Variants in SORCS1 observed in about 807,000 individuals in gnomAD.
SORCS1 encodes the protein sortilin related VPS10 domain containing receptor 1.
In SORCS1, 60 loss-of-function variants were observed where a neutral mutation model predicts 146.1. The observed-to-expected ratio is 0.41, with a 90% CI of 0.33 to 0.51. SORCS1 has a LOEUF of 0.51. SORCS1 is among the 20% of genes least tolerant of loss of function. The pLI, the probability that SORCS1 is intolerant of heterozygous loss-of-function variation, is 0.21. For synonymous variants in SORCS1, 637 were observed against 584.0 expected (o/e 1.09, Z -1.31); for missense variants, 1,352 against 1,487.6 (o/e 0.91, Z 1.50).
intron 3 of SORCS1, among the ~76,000 whole-genome samples, chr10:106,801,042 T>C (rs1293833142): frequency 6.6e-6 from 1 of 152,236 alleles, no homozygotes; most frequent in Non-Finnish European, 1.5e-5. Context: ...CCTTTCATCG[T>C]CTTTAGTTCA....
chr10:107,170,009 ATACT>A, the SORCS1 span, among the ~76,000 whole-genome samples: 1 of 152,206 alleles, frequency 6.6e-6, no homozygotes, highest in African/African-American at 2.4e-5. Flanking sequence ...TTTAATATTC[ATACT>A]TAAAGTGAAA....
intron 18 of SORCS1, among the ~76,000 whole-genome samples, chr10:106,649,265 C>T (rs561838826): frequency 3.3e-5 from 5 of 152,216 alleles, no homozygotes; most frequent in African/African-American, 9.6e-5. Flanking sequence ...GTAGCAAACG[C>T]CTACTGGGGC....
chr10:107,139,266 C>G (rs921137809), intron 1 of SORCS1, among the ~76,000 whole-genome samples: 1 of 152,046 alleles, frequency 6.6e-6, no homozygotes, highest in Non-Finnish European at 1.5e-5. Flanking sequence ...AAAACTGGAA[C>G]CAAGCTAGTA....
intron 1 of SORCS1, among the ~76,000 whole-genome samples, chr10:107,046,381 T>G (rs1959447355): frequency 6.6e-6 from 1 of 152,178 alleles, no homozygotes; most frequent in Admixed American, 6.5e-5. Context: ...CACATTAATA[T>G]GTTTATTGAT....
intron 5 of SORCS1, among the ~76,000 whole-genome samples, chr10:106,742,622 C>A (rs1857441311): frequency 6.6e-6 from 1 of 152,170 alleles, no homozygotes; most frequent in Admixed American, 6.5e-5. Context: ...TCAAGTGATC[C>A]ACCTGCCTCG....
chr10:106,825,145 T>C (rs936219604), intron 3 of SORCS1, among the ~76,000 whole-genome samples: 2 of 152,110 alleles, frequency 1.3e-5, no homozygotes, highest in African/African-American at 4.8e-5. Context: ...GGAGAACAGC[T>C]TGGGTTAGTT....
At chr10:106,732,429 A>T (rs1278292012) in intron 5 of SORCS1, among the ~76,000 whole-genome samples, 1 of 152,178 alleles carries the variant, frequency 6.6e-6, no homozygotes, top group African/African-American at 2.4e-5. Context: ...TTCTGACAAG[A>T]CTGCAAGTCA....
intron 1 of SORCS1, among the ~76,000 whole-genome samples, chr10:107,090,376 A>C (rs1486839371): frequency 6.6e-6 from 1 of 152,160 alleles, no homozygotes; most frequent in Non-Finnish European, 1.5e-5. Flanking sequence ...TTATGTGACT[A>C]ATCATTTTGA....
chr10:107,065,689 G>A (rs1961782041), intron 1 of SORCS1, among the ~76,000 whole-genome samples: 1 of 151,618 alleles, frequency 6.6e-6, no homozygotes, highest in African/African-American at 2.4e-5. Context: ...TTTTTGTTTT[G>A]TATTTTTTGG....
chr10:107,084,411 G>T (rs1963605978), intron 1 of SORCS1, among the ~76,000 whole-genome samples: 1 of 151,862 alleles, frequency 6.6e-6, no homozygotes, highest in South Asian at 2.1e-4. Context: ...CCAGGAAAAG[G>T]TTTTAAATGG....
the SORCS1 span, among the ~76,000 whole-genome samples, chr10:107,175,644 C>T: frequency 1.3e-5 from 2 of 152,176 alleles, no homozygotes; most frequent in Admixed American, 1.3e-4. Context: ...CCATGTGACC[C>T]AGGCTGGTCT....
At chr10:106,842,113 C>A (rs944418957) in intron 2 of SORCS1, among the ~76,000 whole-genome samples, 1 of 152,164 alleles carries the variant, frequency 6.6e-6, no homozygotes, top group East Asian at 1.9e-4. Flanking sequence ...TAGATTTTGC[C>A]CATTTTAATA....
intron 13 of SORCS1, among the ~76,000 whole-genome samples, chr10:106,675,574 A>T (rs1851964698): frequency 6.6e-6 from 1 of 152,202 alleles, no homozygotes. Flanking sequence ...TCTCTAAGTG[A>T]CCAAGTCCTC....
At chr10:106,781,716 T>C (rs1860907867) in intron 3 of SORCS1, among the ~76,000 whole-genome samples, 1 of 152,176 alleles carries the variant, frequency 6.6e-6, no homozygotes, top group African/African-American at 2.4e-5. Flanking sequence ...AAGCTACCTA[T>C]TCTCAATGAG....
intron 1 of SORCS1, among the ~76,000 whole-genome samples, chr10:106,963,680 C>G (rs961037722): frequency 3.0e-4 from 45 of 151,020 alleles, no homozygotes; most frequent in African/African-American, 7.6e-4. Flanking sequence ...TGGGGGGGGG[C>G]CATACATCCA....
chr10:106,722,413 G>C (rs939992599), intron 6 of SORCS1, among the ~76,000 whole-genome samples: 1 of 152,114 alleles, frequency 6.6e-6, no homozygotes, highest in Non-Finnish European at 1.5e-5. Flanking sequence ...TAGAAAATGA[G>C]ATTTCCAGTT....
At chr10:106,976,626 C>T (rs891565566) in intron 1 of SORCS1, among the ~76,000 whole-genome samples, 1 of 152,008 alleles carries the variant, frequency 6.6e-6, no homozygotes, top group African/African-American at 2.4e-5. Flanking sequence ...CCACCGCGCC[C>T]GGCTGCCATC....
At chr10:106,991,631 A>C (rs1956775708) in intron 1 of SORCS1, among the ~76,000 whole-genome samples, 1 of 152,198 alleles carries the variant, frequency 6.6e-6, no homozygotes, top group South Asian at 2.1e-4. Context: ...TTTGGCTTTG[A>C]ATATCACTAA....
At chr10:106,921,403 G>A (rs1952705062) in intron 2 of SORCS1, among the ~76,000 whole-genome samples, 1 of 152,046 alleles carries the variant, frequency 6.6e-6, no homozygotes, top group South Asian at 2.1e-4. Context: ...CCTGACATAG[G>A]GAAAATGGAC....
Sources: gnomAD v4.1 joint callset for allele counts (sites outside exome capture counted in the v4.1 genomes callset) on GRCh38, gnomAD v4.1.1 for gene constraint, MANE v1.5 for transcripts, NCBI Gene and HGNC (gene_info 2026-07-23, HGNC 2026-07-21) for gene names.